ESR1: variants seen among roughly 807,000 people sequenced by gnomAD.
ESR1 encodes estrogen receptor 1, also known as estrogen receptor.
Under a neutral mutation model 52.7 loss-of-function variants are expected in ESR1, and 12 were observed. The observed-to-expected ratio is 0.23, with a 90% CI of 0.15 to 0.37. The LOEUF (loss-of-function observed/expected upper bound fraction) is 0.37. Among genes scored for constraint, ESR1 ranks in the 10% least tolerant of loss-of-function variants. The probability of loss-of-function intolerance (pLI) is 1.00; values close to 1 mark genes in which losing one functional copy is unlikely to be tolerated. For synonymous variants in ESR1, 305 were observed against 316.8 expected (o/e 0.96, Z 0.39); for missense variants, 584 against 779.7 (o/e 0.75, Z 2.99).
intron 6 of ESR1, among the ~76,000 whole-genome samples, chr6:152,109,045 C>T (rs1313355643): frequency 6.6e-6 from 1 of 152,106 alleles, no homozygotes; most frequent in South Asian, 2.1e-4. Flanking sequence ...CTTACTTTGC[C>T]AGGAGGAGAA....
chr6:152,044,587 G>A (rs1034678495), intron 5 of ESR1, among the ~76,000 whole-genome samples: 3 of 151,522 alleles, frequency 2.0e-5, no homozygotes, highest in Admixed American at 6.6e-5. Context: ...TCAGTCTCTG[G>A]CTGACAGCCT....
chr6:152,033,726 T>G (rs529631449), intron 5 of ESR1, among the ~76,000 whole-genome samples: 51 of 152,244 alleles, frequency 3.3e-4, no homozygotes, highest in Admixed American at 2.7e-3. Flanking sequence ...CATTGTGGAA[T>G]TCAGTGTGGC....
intron 2 of ESR1, among the ~76,000 whole-genome samples, chr6:151,880,423 C>T (rs549550663): frequency 2.0e-4 from 31 of 152,066 alleles, no homozygotes; most frequent in African/African-American, 6.7e-4. Flanking sequence ...CGTCGTGATC[C>T]ACCTGCCTCG....
chr6:151,787,683 G>A (rs1018575880), intron 2 of ESR1, among the ~76,000 whole-genome samples: 1 of 152,104 alleles, frequency 6.6e-6, no homozygotes, highest in Non-Finnish European at 1.5e-5. Context: ...AGTGATTTCT[G>A]TATGTTGATT....
intron 2 of ESR1, among the ~76,000 whole-genome samples, chr6:151,851,196 A>T (rs1786633828): frequency 6.6e-6 from 1 of 152,186 alleles, no homozygotes; most frequent in Non-Finnish European, 1.5e-5. Flanking sequence ...AAATATGATG[A>T]TTCCATTTCT....
chr6:152,113,071 G>A (rs1296562885), intron 6 of ESR1: 2 of 324 alleles, frequency 6.2e-3, no homozygotes, highest in Non-Finnish European at 7.3e-3. Context: ...AAGCGCAAAA[G>A]GCCGGGGCGC....
intron 4 of ESR1, among the ~76,000 whole-genome samples, chr6:151,985,896 T>A (rs533553619): frequency 6.6e-6 from 1 of 152,216 alleles, no homozygotes; most frequent in East Asian, 1.9e-4. Context: ...CTCGAACTCC[T>A]GACCTCAGGT....
chr6:151,811,482 C>A (rs907601592), intron 1 of ESR1, among the ~76,000 whole-genome samples: 1 of 152,198 alleles, frequency 6.6e-6, no homozygotes, highest in Non-Finnish European at 1.5e-5. Flanking sequence ...ACGTCTCTCA[C>A]TTCTCCAAAA....
chr6:151,904,765 C>T (rs768167682), intron 3 of ESR1, among the ~76,000 whole-genome samples: 23 of 151,986 alleles, frequency 1.5e-4, no homozygotes, highest in Non-Finnish European at 3.4e-4. Flanking sequence ...CAGTTAAGTC[C>T]TTCCCCAAAT....
At chr6:152,079,071 G>A (rs1365304844) in intron 6 of ESR1, among the ~76,000 whole-genome samples, 1 of 152,208 alleles carries the variant, frequency 6.6e-6, no homozygotes, top group Non-Finnish European at 1.5e-5. Flanking sequence ...AGAACAAAAG[G>A]CAGCAGACAG....
At chr6:151,777,081 A>G (rs1248463939) in intron 2 of ESR1, among the ~76,000 whole-genome samples, 2 of 151,688 alleles carry the variant, frequency 1.3e-5, no homozygotes, top group African/African-American at 2.4e-5. Context: ...ATGCCAGAGA[A>G]AGGCTTGTAC....
At chr6:152,045,615 T>G (rs2046168899) in intron 5 of ESR1, among the ~76,000 whole-genome samples, 2 of 152,154 alleles carry the variant, frequency 1.3e-5, no homozygotes, top group Non-Finnish European at 2.9e-5. Flanking sequence ...ACAGTACCTT[T>G]CTCGTGGAGT....
Position 152,101,034 on chromosome 6 carries a change from G to GTTTTTT in ESR1, c.*2080_*2085dup. On this transcript the variant is annotated 3_prime_UTR_variant, in exon 8 of 8. Coordinates refer to ENST00000206249, the MANE Select transcript of ESR1 (RefSeq NM_000125.4). ...TGCAAAAACCAAGGAAAAATATTTAGTTTTTTTTTTTTTTTTTGTATACTT... is the reference window on the plus strand; with the variant it reads ...TGCAAAAACCAAGGAAAAATATTTAGTTTTTTTTTTTTTTTTTTTTTTTGTATACTT... The GTTTTTT allele has an allele frequency of 5.1e-6, 1 of 194,300 alleles. No individual in the cohort carries two copies. Among genetic ancestry groups the GTTTTTT allele is most frequent in the African/African-American group, 2.6e-5 (1 of 38,482 alleles). The allele number at this position is 194,300 out of a possible 1,614,324, so 12.0% of individuals were successfully genotyped here. A position where few individuals can be genotyped will look rare whatever the true frequency, so the allele number is the denominator to read the frequency against.
chr6:152,077,336 A>T (rs2048823765), intron 6 of ESR1, among the ~76,000 whole-genome samples: 1 of 152,204 alleles, frequency 6.6e-6, no homozygotes, highest in Non-Finnish European at 1.5e-5. Context: ...GATACGTGGA[A>T]ATGCCTGGAT....
At chr6:151,951,469 A>T (rs1005231289) in intron 4 of ESR1, among the ~76,000 whole-genome samples, 1 of 152,226 alleles carries the variant, frequency 6.6e-6, no homozygotes, top group African/African-American at 2.4e-5. Context: ...AGTTTCACTT[A>T]ATTTATATTA....
At position 151,842,581 on chromosome 6, in the gene ESR1, G is replaced by GT. The variant is rs59849288; in HGVS notation, c.453-9dup. 9 of 1,610,482 alleles carry GT rather than the reference G, an allele frequency of 5.6e-6. No individual in the cohort carries two copies. The Admixed American group carries it at 6.7e-5, about 12-fold the overall frequency. On this transcript the variant is annotated splice_polypyrimidine_tract_variant and intron_variant, in intron 1 of 7. Coordinates refer to ENST00000206249, the MANE Select transcript of ESR1 (RefSeq NM_000125.4). ...CTTTTCTAATGTTAATGGATTTACT[G>GT]TTTTTTTCCCCCCAGGCCAAATTCA...
chr6:152,110,923 G>A (rs1022223594), intron 6 of ESR1, among the ~76,000 whole-genome samples: 2 of 152,074 alleles, frequency 1.3e-5, no homozygotes, highest in Non-Finnish European at 2.9e-5. Context: ...TGGCACCTGG[G>A]GGTGCCAGTG....
At position 151,962,314 on chromosome 6, in the gene ESR1, T is replaced by C. The variant is rs541376417; in HGVS notation, c.1096+17806T>C. 2.1e-3 allele frequency among the ~76,000 whole-genome samples: 313 copies of C among 152,234 alleles called. 7 individuals carry two copies. The highest frequency in any genetic ancestry group is 3.0e-3 in the Non-Finnish European group (207 of 68,018). On this transcript the variant is annotated intron_variant, in intron 4 of 7. Transcript: ENST00000206249. Reference sequence around the variant, plus strand: ...AGATGGAATAATTTTTATGGTTTCTTAAAACCCAAGTGGGTTACCTAAGCC... The same window carrying C: ...AGATGGAATAATTTTTATGGTTTCTCAAAACCCAAGTGGGTTACCTAAGCC...
intron 1 of ESR1, among the ~76,000 whole-genome samples, chr6:151,692,228 C>T (rs1779001368): frequency 6.6e-6 from 1 of 152,232 alleles, no homozygotes; most frequent in Non-Finnish European, 1.5e-5. Context: ...TTAGAGCTAG[C>T]TACCATCTAC....
Sources: gnomAD v4.1 joint callset for allele counts (sites outside exome capture counted in the v4.1 genomes callset) on GRCh38, gnomAD v4.1.1 for gene constraint, MANE v1.5 for transcripts, NCBI Gene and HGNC (gene_info 2026-07-23, HGNC 2026-07-21) for gene names.